Variants in VPS13C observed in about 807,000 individuals in gnomAD.
VPS13C encodes the protein vacuolar protein sorting 13 homolog C.
In VPS13C, 358 loss-of-function variants were observed where a neutral mutation model predicts 456.8. The ratio of observed to expected loss-of-function variants is 0.78; its 90% CI spans 0.72 to 0.86. VPS13C has a LOEUF of 0.86. Ranked by LOEUF, VPS13C falls within the 40% of genes least tolerant of loss-of-function variation. The probability of loss-of-function intolerance (pLI) is 0.00; values close to 1 mark genes in which losing one functional copy is unlikely to be tolerated. For missense variants in VPS13C, 4,818 were observed against 4,385.4 expected (o/e 1.10, Z -2.79); for synonymous variants, 1,578 against 1,486.7 (o/e 1.06, Z -1.41).
At chr15:61,950,887 G>C in intron 40 of VPS13C, 58 bp downstream of exon 40, 1 of 631,638 alleles carries the variant, frequency 1.6e-6, no homozygotes, top group Non-Finnish European at 2.2e-6. Context: ...TTAAATATAA[G>C]GGTAATATAA....
At chr15:61,882,043 T>C (rs185008548) in intron 69 of VPS13C, among the ~76,000 whole-genome samples, 2 of 152,284 alleles carry the variant, frequency 1.3e-5, no homozygotes, top group African/African-American at 4.8e-5. Context: ...CTCTCATAAT[T>C]GTATTAACAG....
chr15:62,008,836 T>C, intron 13 of VPS13C, 75 bp from the exon 14 acceptor site: 1 of 893,704 alleles, frequency 1.1e-6, no homozygotes, highest in Non-Finnish European at 1.6e-6. Context: ...TTCTATTTTT[T>C]AGGCTAGTGA....
rs767987260 is a variant in VPS13C, at chr15:61,969,401, A to C, written c.2809T>G (p.Phe937Val). 1 of 1,588,412 alleles carries C rather than the reference A, an allele frequency of 6.3e-7. No individual in the cohort carries two copies. Among genetic ancestry groups the C allele is most frequent in the Admixed American group, 1.8e-5 (1 of 56,922 alleles). ...TCTGTTCCTAACTGAGTAACATTAA[A>C]TACTAGAATTGTATCTTCTTCTTTC... ...QQKEEDTILV[F>V]NVTQLGTEAT... The change falls in exon 28 of 85, where the codon TTT (phenylalanine) becomes GTT (valine). Residue 937 changes from phenylalanine to valine, a missense_variant. Physicochemically the swap from Phe to Val is conservative, Grantham distance 50 (BLOSUM62 -1). This residue lies in a region of VPS13C where 4,552 missense variants were observed against 4,130.6 expected (regional missense o/e 1.10). Coordinates refer to ENST00000644861, the MANE Select transcript of VPS13C (RefSeq NM_020821.3).
chr15:61,890,842 T>C (rs1433937798), intron 66 of VPS13C, among the ~76,000 whole-genome samples: 1 of 152,064 alleles, frequency 6.6e-6, no homozygotes, highest in Non-Finnish European at 1.5e-5. Context: ...AGGTCAGGAG[T>C]TCGAGACCAG....
chr15:61,864,716 A>C (rs1449169230), intron 81 of VPS13C: 1 of 985,454 alleles, frequency 1.0e-6, no homozygotes, highest in East Asian at 1.1e-4. Flanking sequence ...TCTCATCTTC[A>C]GAATGAGTCT....
At position 62,002,907 on chromosome 15, in the gene VPS13C, GT is replaced by G. The variant is rs1424833837; in HGVS notation, c.1291-2282del. Among the ~76,000 whole-genome samples, 4 of 152,330 alleles carry G rather than the reference GT, an allele frequency of 2.6e-5. No individual in the cohort carries two copies. In the South Asian group the frequency reaches 8.3e-4, roughly 32 times the overall value. The stretch of plus-strand genomic sequence containing the variant: ...TCTATTTTGGTACCAGTACCATGCT[GT>G]TTTGGTTACTGTAGCCTTGGAGTAT... On this transcript the variant is annotated intron_variant, in intron 15 of 84. Transcript: ENST00000644861.
chr15:61,926,461 C>T (rs968674000), intron 52 of VPS13C, among the ~76,000 whole-genome samples: 3 of 152,114 alleles, frequency 2.0e-5, no homozygotes, highest in Admixed American at 1.3e-4. Flanking sequence ...TGTATAAAGA[C>T]GATCCTGTCA....
intron 41 of VPS13C, among the ~76,000 whole-genome samples, chr15:61,949,921 A>G (rs2044730165): frequency 6.6e-6 from 1 of 152,194 alleles, no homozygotes; most frequent in Non-Finnish European, 1.5e-5. Context: ...TGCATGTTCA[A>G]ATGGACTGTA....
chr15:62,037,413 TA>T (rs1234634344), intron 3 of VPS13C, among the ~76,000 whole-genome samples: 45 of 92,754 alleles, frequency 4.9e-4, no homozygotes, highest in Non-Finnish European at 6.6e-4. Context: ...TAAATATATA[TA>T]ATATGTTATA....
intron 53 of VPS13C, among the ~76,000 whole-genome samples, chr15:61,924,924 C>G (rs1245366722): frequency 6.6e-6 from 1 of 152,098 alleles, no homozygotes; most frequent in Non-Finnish European, 1.5e-5. Flanking sequence ...CTTAAAGAAC[C>G]TGAACGCCAT....
chr15:61,971,939 CA>C (rs2045568297), intron 27 of VPS13C, among the ~76,000 whole-genome samples: 1 of 152,154 alleles, frequency 6.6e-6, no homozygotes, highest in African/African-American at 2.4e-5. Flanking sequence ...GGAACACCTC[CA>C]TTTTCTATCC....
chr15:61,898,974 G>A (rs1299247391), intron 66 of VPS13C, among the ~76,000 whole-genome samples: 4 of 93,026 alleles, frequency 4.3e-5, no homozygotes, highest in Non-Finnish European at 9.0e-5. Flanking sequence ...CAACTACATG[G>A]AAACTGAACA....
chr15:61,930,408 T>G (rs960532245), intron 50 of VPS13C, among the ~76,000 whole-genome samples: 22 of 152,164 alleles, frequency 1.4e-4, no homozygotes, highest in Admixed American at 3.3e-4. Flanking sequence ...CTTCCCTCAT[T>G]TATTCATCTC....
intron 21 of VPS13C, 96 bp from the exon 22 acceptor site, chr15:61,981,574 T>A: frequency 7.5e-7 from 1 of 1,330,858 alleles, no homozygotes; most frequent in Non-Finnish European, 9.9e-7. Context: ...TTGAAAAGTA[T>A]TACAGGTCGG....
chr15:61,881,455 G>T, intron 71 of VPS13C, 108 bp downstream of exon 71: 2 of 1,156,658 alleles, frequency 1.7e-6, no homozygotes, highest in South Asian at 3.6e-5. Flanking sequence ...AGGTTCAGCT[G>T]GAAAATACTT....
chr15:61,915,383 C>T (rs1189498779), intron 61 of VPS13C, among the ~76,000 whole-genome samples: 2 of 152,084 alleles, frequency 1.3e-5, no homozygotes, highest in African/African-American at 4.8e-5. Context: ...TACTATACTA[C>T]TACTACTACT....
At chr15:61,856,903 T>C (rs183827414) in intron 82 of VPS13C, 421 of 155,292 alleles carry the variant, frequency 2.7e-3, no homozygotes, top group Non-Finnish European at 3.9e-3. Context: ...TCATAAACCT[T>C]AAATGTCAGC....
intron 80 of VPS13C, 86 bp downstream of exon 80, chr15:61,869,414 C>A: frequency 7.0e-7 from 1 of 1,430,098 alleles, no homozygotes. Context: ...TCCTTAGGAG[C>A]AGGCAAATAA....
At chr15:61,963,813 T>G (rs1168838600) in intron 32 of VPS13C, 22 bp downstream of exon 32, 1 of 1,549,284 alleles carries the variant, frequency 6.5e-7, no homozygotes, top group South Asian at 1.1e-5. Flanking sequence ...TCGCCAATTT[T>G]CAATGCCGTG....
Sources: gnomAD v4.1 joint callset for allele counts (sites outside exome capture counted in the v4.1 genomes callset) on GRCh38, gnomAD v4.1.1 for gene constraint, gnomAD v4.1.1 regional missense constraint, MANE v1.5 for transcripts, NCBI Gene and HGNC (gene_info 2026-07-23, HGNC 2026-07-21) for gene names.